The following TMEM117 variants were observed in gnomAD, a reference collection of about 807,000 sequenced individuals.
TMEM117 encodes the protein transmembrane protein 117.
A neutral mutation model predicts 52.4 loss-of-function variants in TMEM117; 27 were observed. The observed-to-expected ratio is 0.51, with a 90% confidence interval of 0.38 to 0.71. The LOEUF is 0.71. TMEM117 is among the 30% of genes least tolerant of loss of function. TMEM117 has a pLI of 0.00. For synonymous variants in TMEM117, 215 were observed against 206.3 expected (o/e 1.04, Z -0.36); for missense variants, 556 against 630.5 (o/e 0.88, Z 1.26).
At chr12:44,238,093 T>A (rs1373008193) in intron 5 of TMEM117, among the ~76,000 whole-genome samples, 3 of 152,134 alleles carry the variant, frequency 2.0e-5, no homozygotes, top group Admixed American at 2.0e-4. Flanking sequence ...GACTTCACCA[T>A]TGAAATGATT....
intron 4 of TMEM117, among the ~76,000 whole-genome samples, chr12:44,196,934 G>A (rs1010937329): frequency 6.6e-6 from 1 of 152,132 alleles, no homozygotes; most frequent in Non-Finnish European, 1.5e-5. Flanking sequence ...ATTTCCTAAC[G>A]TTAGAAACAA....
chr12:43,877,111 G>T (rs1304280290), intron 2 of TMEM117, among the ~76,000 whole-genome samples: 2 of 152,058 alleles, frequency 1.3e-5, no homozygotes, highest in South Asian at 4.1e-4. Context: ...GAGCTTCAAA[G>T]AATGTCCATG....
chr12:43,988,042 AT>A (rs1208825215), intron 3 of TMEM117, among the ~76,000 whole-genome samples: 3 of 152,116 alleles, frequency 2.0e-5, no homozygotes, highest in Admixed American at 6.6e-5. Context: ...AAAATAATAT[AT>A]TTCTTTTTGG....
intron 4 of TMEM117, among the ~76,000 whole-genome samples, chr12:44,161,195 A>G (rs1592569445): frequency 1.3e-5 from 2 of 152,170 alleles, no homozygotes; most frequent in Admixed American, 1.3e-4. Flanking sequence ...GTTTGTGACT[A>G]TAATTGTGTT....
In TMEM117 at chr12:44,065,904, G is replaced by A. The variant is rs1429905686; in HGVS notation, c.411-77621G>A. Among the ~76,000 whole-genome samples, 4 of 152,170 alleles carry A rather than the reference G, an allele frequency of 2.6e-5. 1 individual carries two copies. The highest frequency in any genetic ancestry group is 5.9e-5 in the Non-Finnish European group (4 of 68,028). ...TATCATTTGCAGATGAAGTAAATAGGTTTGATGGTGTTAAGAGAAAAACCT... is the reference window on the plus strand; with the variant it reads ...TATCATTTGCAGATGAAGTAAATAGATTTGATGGTGTTAAGAGAAAAACCT... On this transcript the variant is annotated intron_variant, in intron 3 of 7. Transcript: ENST00000266534.
intron 5 of TMEM117, among the ~76,000 whole-genome samples, chr12:44,211,753 A>G (rs1465003539): frequency 6.6e-6 from 1 of 152,232 alleles, no homozygotes; most frequent in Non-Finnish European, 1.5e-5. Context: ...TTTTGCTCTG[A>G]GAAGTGATAA....
At chr12:43,910,203 T>G (rs1944471992) in intron 2 of TMEM117, among the ~76,000 whole-genome samples, 1 of 151,472 alleles carries the variant, frequency 6.6e-6, no homozygotes, top group Non-Finnish European at 1.5e-5. Flanking sequence ...TGCAAATCAA[T>G]AAATGTAATC....
chr12:43,939,088 A>C (rs1945002777), intron 2 of TMEM117, among the ~76,000 whole-genome samples: 2 of 152,164 alleles, frequency 1.3e-5, no homozygotes, highest in South Asian at 4.1e-4. Flanking sequence ...ATCTAGTTTA[A>C]ATTTAGTTTT....
At chr12:44,059,441 A>G (rs1947106021) in intron 3 of TMEM117, among the ~76,000 whole-genome samples, 1 of 152,228 alleles carries the variant, frequency 6.6e-6, no homozygotes, top group South Asian at 2.1e-4. Flanking sequence ...GAATTCTGCC[A>G]ACATTTGCTG....
At chr12:43,813,882 C>T in the TMEM117 span, among the ~76,000 whole-genome samples, 1 of 152,142 alleles carries the variant, frequency 6.6e-6, no homozygotes, top group African/African-American at 2.4e-5. Context: ...TTCCCTCCCT[C>T]CCTTACTTTC....
chr12:44,397,061 T>C, the TMEM117 span, among the ~76,000 whole-genome samples: 1 of 151,996 alleles, frequency 6.6e-6, no homozygotes, highest in Admixed American at 6.6e-5. Flanking sequence ...TTAAAGCGAG[T>C]ATCCCAGTTG....
At chr12:44,208,619 C>T (rs796255663) in intron 4 of TMEM117, among the ~76,000 whole-genome samples, 1 of 151,692 alleles carries the variant, frequency 6.6e-6, no homozygotes, top group African/African-American at 2.4e-5. Context: ...TCTGCTTCTG[C>T]CAATTTAGCT....
chr12:43,866,633 A>G (rs947401471), intron 2 of TMEM117, among the ~76,000 whole-genome samples: 4 of 152,318 alleles, frequency 2.6e-5, no homozygotes, highest in African/African-American at 7.2e-5. Context: ...ACAGTTATCT[A>G]TAGCAGACCT....
upstream of TMEM117, among the ~76,000 whole-genome samples, chr12:43,834,877 G>A (rs1338155309): frequency 2.6e-5 from 4 of 152,152 alleles, no homozygotes; most frequent in Non-Finnish European, 4.4e-5. Context: ...TTATGCCTAT[G>A]CAGATAAACT....
chr12:43,828,169 G>T, the TMEM117 span, among the ~76,000 whole-genome samples: 4 of 152,176 alleles, frequency 2.6e-5, no homozygotes, highest in African/African-American at 9.7e-5. Flanking sequence ...ATACAGTGAG[G>T]ATAGGAGATA....
intron 3 of TMEM117, among the ~76,000 whole-genome samples, chr12:44,114,062 C>G (rs533780446): frequency 1.3e-5 from 2 of 148,336 alleles, no homozygotes; most frequent in Non-Finnish European, 3.0e-5. Context: ...CGCCCTGCTT[C>G]GGCTCGCGCA....
At chr12:44,056,735 T>G (rs951961481) in intron 3 of TMEM117, among the ~76,000 whole-genome samples, 1 of 152,228 alleles carries the variant, frequency 6.6e-6, no homozygotes, top group Non-Finnish European at 1.5e-5. Context: ...CTAGGCACTG[T>G]GATAGTGTGT....
intron 6 of TMEM117, among the ~76,000 whole-genome samples, chr12:44,322,906 A>G (rs1377020202): frequency 1.3e-5 from 2 of 152,184 alleles, no homozygotes; most frequent in Non-Finnish European, 2.9e-5. Context: ...GATTAAGGTT[A>G]TACTAGAATT....
chr12:44,172,634 A>G (rs1949062620), intron 4 of TMEM117, among the ~76,000 whole-genome samples: 2 of 152,216 alleles, frequency 1.3e-5, no homozygotes, highest in Non-Finnish European at 2.9e-5. Context: ...TATACTTTTC[A>G]GGAACACAGT....
Sources: gnomAD v4.1 joint callset for allele counts (sites outside exome capture counted in the v4.1 genomes callset) on GRCh38, gnomAD v4.1.1 for gene constraint, MANE v1.5 for transcripts, NCBI Gene and HGNC (gene_info 2026-07-23, HGNC 2026-07-21) for gene names.